The following COL12A1 variants were observed in gnomAD, a reference collection of about 807,000 sequenced individuals.
COL12A1 encodes the protein collagen type XII alpha 1 chain.
COL12A1 carries 114 observed loss-of-function variants against 349.7 expected under a neutral mutation model. The ratio of observed to expected loss-of-function variants is 0.33; its 90% CI spans 0.28 to 0.38. The LOEUF (loss-of-function observed/expected upper bound fraction) is 0.38. Ranked by LOEUF, COL12A1 falls within the 10% of genes least tolerant of loss-of-function variation. The probability of loss-of-function intolerance (pLI) is 1.00; values close to 1 mark genes in which losing one functional copy is unlikely to be tolerated. For missense variants in COL12A1, 3,284 were observed against 3,756.9 expected (o/e 0.87, Z 3.29); for synonymous variants, 1,369 against 1,329.0 (o/e 1.03, Z -0.66).
chr6:75,181,050 T>G lies in COL12A1; in HGVS notation c.2053A>C (p.Ser685Arg). 1 of 1,614,056 alleles carries G rather than the reference T, an allele frequency of 6.2e-7. No homozygotes were observed. The highest frequency in any genetic ancestry group is 8.5e-7 in the Non-Finnish European group (1 of 1,180,006). Residue 685 changes from serine (S) to arginine (R), a missense_variant, in exon 11 of 66, where the codon AGT becomes CGT. Transcript: ENST00000322507. ...GGCTTCAGGCTGCTGAGAACAACAC[T>G]GGTGCTCGATGCTGGCTCCACCACA... The part of the protein sequence containing the change: ...VTVVEPASST[S>R]VVLSSLKPET...
At position 75,177,788 on chromosome 6, in the gene COL12A1, G is replaced by T. The variant is rs769423889; in HGVS notation, c.2312C>A (p.Pro771Gln). The part of the protein sequence containing the change: ...AGGESREVTT[P>Q]PNQRRRTLEN... ...CAGTGTTCTCCTCCTCTGATTGGGT[G>T]GGGTGGTAACTTCTCTGCTCTCTCC... Residue 771 changes from proline to glutamine, a missense_variant, in exon 12 of 66, where the codon CCA becomes CAA. By Grantham distance (76) the Pro-to-Gln change is moderately conservative. Around this residue, in one of 2 missense-constraint regions of COL12A1, gnomAD observed 2,601 missense variants for 2,824.8 expected, o/e 0.92. Transcript: ENST00000322507. 2 of 1,613,902 alleles carry T rather than the reference G, an allele frequency of 1.2e-6. No homozygotes were observed. The highest frequency in any genetic ancestry group is 2.7e-5 in the African/African-American group (2 of 74,880).
intron 52 of COL12A1, among the ~76,000 whole-genome samples, chr6:75,107,155 G>C (rs1768608885): frequency 6.6e-6 from 1 of 151,828 alleles, no homozygotes; most frequent in African/African-American, 2.4e-5. Flanking sequence ...TCCACCCAAA[G>C]TGCTAGGACT....
intron 1 of COL12A1, among the ~76,000 whole-genome samples, chr6:75,204,451 A>C (rs1770674532): frequency 6.6e-6 from 1 of 152,140 alleles, no homozygotes. Context: ...AGAATGAATC[A>C]TCTCGCGCCG....
At chr6:75,097,169 T>A in intron 59 of COL12A1, 84 bp downstream of exon 59, 1 of 1,096,894 alleles carries the variant, frequency 9.1e-7, no homozygotes, top group South Asian at 1.3e-5. Context: ...ACAGATGGAA[T>A]GTGCTTCAAA....
intron 14 of COL12A1, among the ~76,000 whole-genome samples, chr6:75,157,386 G>A (rs975357457): frequency 6.6e-6 from 1 of 151,394 alleles, no homozygotes; most frequent in Non-Finnish European, 1.5e-5. Context: ...CTGATTGTAA[G>A]AGAAAATTTC....
At chr6:75,128,938 A>G (rs1004589128) in intron 37 of COL12A1, among the ~76,000 whole-genome samples, 1 of 152,242 alleles carries the variant, frequency 6.6e-6, no homozygotes, top group African/African-American at 2.4e-5. Context: ...TAGCTGAAAC[A>G]GATGGGAATA....
At chr6:75,174,876 T>C (rs2149451430) in intron 13 of COL12A1, among the ~76,000 whole-genome samples, 162 bp downstream of exon 13, 1 of 152,328 alleles carries the variant, frequency 6.6e-6, no homozygotes, top group East Asian at 1.9e-4. Flanking sequence ...TCTACATCTC[T>C]GAATAACAGA....
chr6:75,174,191 G>A (rs1768787307), intron 13 of COL12A1, among the ~76,000 whole-genome samples: 1 of 152,144 alleles, frequency 6.6e-6, no homozygotes, highest in African/African-American at 2.4e-5. Flanking sequence ...TTCTTACTAA[G>A]TACTTTATCG....
At position 75,145,390 on chromosome 6, in the gene COL12A1, T is replaced by C; in HGVS notation, c.4626A>G (p.Ala1542=). 6.2e-7 allele frequency: 1 copy of C among 1,614,058 alleles called. No individual in the cohort carries two copies. The highest frequency in any genetic ancestry group is 1.1e-5 in the South Asian group (1 of 91,072). The part of the protein sequence containing the change: ...LTDLVPNTEY[A]VTVQAVLHDL... Reference sequence around the variant, plus strand: ...CGTGCAGGACAGCCTGGACTGTGACTGCATACTCCGTGTTGGGAACAAGGT... The same window carrying C: ...CGTGCAGGACAGCCTGGACTGTGACCGCATACTCCGTGTTGGGAACAAGGT... Residue 1542 remains alanine, a synonymous_variant, in exon 25 of 66, where the codon GCA becomes GCG. Coordinates refer to ENST00000322507, the MANE Select transcript of COL12A1 (RefSeq NM_004370.6).
intron 21 of COL12A1, among the ~76,000 whole-genome samples, chr6:75,150,539 G>A (rs185593273): frequency 6.9e-4 from 105 of 152,220 alleles, no homozygotes; most frequent in African/African-American, 2.5e-3. Flanking sequence ...TAAGTGTAAA[G>A]TTTCAAATCT....
intron 49 of COL12A1, among the ~76,000 whole-genome samples, chr6:75,115,322 T>C (rs1014829042): frequency 9.9e-5 from 15 of 152,218 alleles, no homozygotes; most frequent in Admixed American, 3.9e-4. Flanking sequence ...CACAACAGAT[T>C]GCTAGAGCAT....
chr6:75,156,899 G>T (rs538725774), intron 14 of COL12A1, among the ~76,000 whole-genome samples: 8 of 152,240 alleles, frequency 5.3e-5, no homozygotes, highest in African/African-American at 1.9e-4. Context: ...TAAAAATTAT[G>T]AATGCAGGGT....
rs575737631 is a variant in COL12A1 at position 75,135,770 on chromosome 6, G to A, written c.5395-915C>T. Among the ~76,000 whole-genome samples, 76 of 152,208 alleles carry A rather than the reference G, an allele frequency of 5.0e-4. 1 individual carries two copies. Among genetic ancestry groups the A allele is most frequent in the Admixed American group, 2.4e-3 (36 of 15,286 alleles). On this transcript the variant is annotated intron_variant, in intron 31 of 65. Transcript: ENST00000322507. ...CTCAATACGGACAAACTGAACTACC[G>A]TGGCTAATTTTAATAAATTTCATAT...
At chr6:75,145,571 C>A in intron 24 of COL12A1, 116 bp from the exon 25 acceptor site, 488 of 694,524 alleles carry the variant, frequency 7.0e-4, no homozygotes, top group East Asian at 8.5e-4. Context: ...TTGTATTTTT[C>A]ATTTATAAGA....
intron 21 of COL12A1, among the ~76,000 whole-genome samples, chr6:75,149,550 T>G (rs1401796335): frequency 1.3e-5 from 2 of 152,058 alleles, no homozygotes; most frequent in African/African-American, 4.8e-5. Context: ...GTGTCTGGAA[T>G]AAATGCTGAT....
Position 75,119,166 on chromosome 6 carries a change from T to G in COL12A1, c.7231A>C (p.Lys2411Gln), listed in dbSNP as rs1474934709. 3 of 1,613,828 alleles carry G rather than the reference T, an allele frequency of 1.9e-6. No individual in the cohort carries two copies. The highest frequency in any genetic ancestry group is 2.7e-5 in the African/African-American group (2 of 74,908). The change falls in exon 46 of 66, where the codon AAG becomes CAG. Residue 2411 changes from lysine to glutamine, a missense_variant. Lys to Gln is a moderately conservative substitution (Grantham distance 53, BLOSUM62 1). Transcript: ENST00000322507. ...TRTGKALTFI[K>Q]EKVLTWESGM... ...CTCTCCCAAGTCAAGACTTTCTCCT[T>G]GATAAACGTGAGGGCCTTGCCTACA...
Position 75,090,244 on chromosome 6 carries a change from G to A in COL12A1, c.8807C>T (p.Ser2936Phe). ...MLNQIPNDYQ[S>F]SRNQPGPPGP... ...CGGCGGGCCTGGCTGGTTGCGACTG[G>A]ACTGGTAATCATTTGGAATCTGATT... The change falls in exon 63 of 66, where the codon TCC (serine) becomes TTC (phenylalanine). Residue 2936 changes from serine to phenylalanine, a missense_variant. Transcript: ENST00000322507. This position sits in a 1 kb window ranked among gnomAD's most constrained non-coding sequence, Gnocchi z 4.1. 1 of 1,613,798 alleles carries A rather than the reference G, an allele frequency of 6.2e-7. No individual in the cohort carries two copies. Among genetic ancestry groups the A allele is most frequent in the Non-Finnish European group, 8.5e-7 (1 of 1,179,786 alleles).
chr6:75,163,700 T>C (rs1233006123), intron 14 of COL12A1, among the ~76,000 whole-genome samples: 2 of 152,108 alleles, frequency 1.3e-5, no homozygotes, highest in African/African-American at 4.8e-5. Flanking sequence ...TAGGACTTTC[T>C]GTTCATCAAT....
chr6:75,102,169 G>A lies in COL12A1; in HGVS notation c.8416-117C>T. On this transcript the variant is annotated intron_variant, in intron 56 of 65. Coordinates refer to ENST00000322507, the MANE Select transcript of COL12A1 (RefSeq NM_004370.6). ...TTCATAAATCCAGTGTAAGCGTTCA[G>A]AATGAGCACAGAAGGGTATTTTTGA... is the stretch of plus-strand genomic sequence containing the variant. 3 of 941,580 alleles carry A rather than the reference G, an allele frequency of 3.2e-6. No individual in the cohort carries two copies. In the South Asian group the frequency reaches 4.6e-5, roughly 14 times the overall value. The allele number at this position is 941,580 out of a possible 1,614,324, so 58.3% of individuals were successfully genotyped here. A position where few individuals can be genotyped will look rare whatever the true frequency, so the allele number is the denominator to read the frequency against.
Sources: gnomAD v4.1 joint callset for allele counts (sites outside exome capture counted in the v4.1 genomes callset) on GRCh38, gnomAD v4.1.1 for gene constraint, gnomAD v4.1.1 regional missense constraint, Gnocchi (gnomAD v3.1) non-coding constraint, MANE v1.5 for transcripts, NCBI Gene and HGNC (gene_info 2026-07-23, HGNC 2026-07-21) for gene names.